The following HSD17B12 variants were observed in gnomAD, a reference collection of about 807,000 sequenced individuals.
HSD17B12 encodes hydroxysteroid 17-beta dehydrogenase 12.
In HSD17B12, 32 loss-of-function variants were observed where a neutral mutation model predicts 39.3. The ratio of observed to expected loss-of-function variants is 0.81; its 90% CI spans 0.61 to 1.09. HSD17B12 has a LOEUF of 1.09. Ranked by LOEUF, HSD17B12 falls within the 50% of genes least tolerant of loss-of-function variation. HSD17B12 has a pLI of 0.00. For missense variants in HSD17B12, 342 were observed against 382.9 expected (o/e 0.89, Z 0.89); for synonymous variants, 150 against 146.7 (o/e 1.02, Z -0.16).
At chr11:43,632,742 G>C in the HSD17B12 span, among the ~76,000 whole-genome samples, 5 of 152,126 alleles carry the variant, frequency 3.3e-5, no homozygotes, top group African/African-American at 1.2e-4. Context: ...ATGTAGGTAA[G>C]TTATCATAGG....
At chr11:43,593,483 A>G in the HSD17B12 span, among the ~76,000 whole-genome samples, 23 of 152,212 alleles carry the variant, frequency 1.5e-4, no homozygotes, top group East Asian at 1.9e-4. Flanking sequence ...AAATCAAAAT[A>G]TCTTTAAATA....
the HSD17B12 span, among the ~76,000 whole-genome samples, chr11:43,671,366 A>C: frequency 6.6e-6 from 1 of 152,172 alleles, no homozygotes; most frequent in African/African-American, 2.4e-5. Flanking sequence ...TTTTTAGTAG[A>C]GACGGGGTTT....
the HSD17B12 span, among the ~76,000 whole-genome samples, chr11:43,640,060 C>T: frequency 6.6e-6 from 1 of 151,404 alleles, no homozygotes; most frequent in African/African-American, 2.4e-5. Flanking sequence ...AACATGAAAA[C>T]AAAAATAAAA....
At chr11:43,637,868 T>C in the HSD17B12 span, among the ~76,000 whole-genome samples, 1 of 152,112 alleles carries the variant, frequency 6.6e-6, no homozygotes, top group African/African-American at 2.4e-5. Flanking sequence ...CCATTGTGGA[T>C]GGGGAGGGGT....
the HSD17B12 span, among the ~76,000 whole-genome samples, chr11:43,655,132 G>A: frequency 6.6e-6 from 1 of 152,174 alleles, no homozygotes; most frequent in Non-Finnish European, 1.5e-5. Context: ...TCCCTTGTAA[G>A]TTGGATTCCT....
chr11:43,679,108 C>T (rs1177482123), upstream of HSD17B12, among the ~76,000 whole-genome samples: 20 of 152,142 alleles, frequency 1.3e-4, no homozygotes, highest in African/African-American at 4.3e-4. Flanking sequence ...TCTTTTATTT[C>T]GTTGAGCAGT....
the HSD17B12 span, among the ~76,000 whole-genome samples, chr11:43,668,512 C>CATGGAT: frequency 6.6e-6 from 1 of 152,194 alleles, no homozygotes; most frequent in Admixed American, 6.5e-5. Flanking sequence ...GATATGTAGA[C>CATGGAT]ATGGATATCT....
intron 4 of HSD17B12, among the ~76,000 whole-genome samples, chr11:43,799,082 A>G (rs1950941642): frequency 6.6e-6 from 1 of 152,142 alleles, no homozygotes; most frequent in Non-Finnish European, 1.5e-5. Context: ...ACAGTTGAGG[A>G]AATGAAGGCT....
chr11:43,820,771 A>G (rs962030114), intron 6 of HSD17B12, among the ~76,000 whole-genome samples: 1 of 152,252 alleles, frequency 6.6e-6, no homozygotes, highest in Admixed American at 6.5e-5. Context: ...TGGTGAAATC[A>G]GCTTGGCCTT....
At chr11:43,585,792 C>T in the HSD17B12 span, among the ~76,000 whole-genome samples, 1 of 152,108 alleles carries the variant, frequency 6.6e-6, no homozygotes, top group African/African-American at 2.4e-5. Flanking sequence ...CCTCCTTAAC[C>T]GATAGTTCAG....
intron 1 of HSD17B12, chr11:43,733,820 G>A (rs1250209875): frequency 2.6e-5 from 18 of 705,620 alleles, no homozygotes; most frequent in South Asian, 1.8e-4. Context: ...GTTGCAGGAG[G>A]TGTGGTAAAC....
At chr11:43,794,051 G>GT (rs1334850779) in intron 3 of HSD17B12, among the ~76,000 whole-genome samples, 1 of 152,130 alleles carries the variant, frequency 6.6e-6, no homozygotes, top group African/African-American at 2.4e-5. Flanking sequence ...GTTCATACCA[G>GT]TTTTTTTCTT....
the HSD17B12 span, among the ~76,000 whole-genome samples, chr11:43,630,892 C>A: frequency 1.3e-5 from 2 of 151,568 alleles, no homozygotes; most frequent in African/African-American, 4.9e-5. Context: ...CCAGCCTCCA[C>A]CCCCCAGGTT....
intron 1 of HSD17B12, 40 bp downstream of exon 1, chr11:43,681,027 G>T: frequency 1.3e-6 from 2 of 1,539,970 alleles, no homozygotes; most frequent in Non-Finnish European, 1.8e-6. Context: ...TCCCGCGGCG[G>T]CCCGGACCAG....
At chr11:43,577,114 G>C in the HSD17B12 span, among the ~76,000 whole-genome samples, 110 of 152,350 alleles carry the variant, frequency 7.2e-4, 1 homozygote, top group East Asian at 4.8e-3. Flanking sequence ...GGGAACTAAG[G>C]ACGGCGACCC....
chr11:43,616,414 AAAACAAAAAAC>A, the HSD17B12 span, among the ~76,000 whole-genome samples: 672 of 135,912 alleles, frequency 4.9e-3, 40 homozygotes, highest in African/African-American at 0.019. Flanking sequence ...ATCTAAAAAA[AAAACAAAAAAC>A]AAAAAAAAAA....
At chr11:43,829,320 A>AT (rs1277401091) in intron 6 of HSD17B12, among the ~76,000 whole-genome samples, 2 of 152,206 alleles carry the variant, frequency 1.3e-5, no homozygotes, top group African/African-American at 4.8e-5. Context: ...TCATATATAT[A>AT]AAGAATATAT....
At chr11:43,570,548 G>T in the HSD17B12 span, among the ~76,000 whole-genome samples, 1 of 152,168 alleles carries the variant, frequency 6.6e-6, no homozygotes, top group South Asian at 2.1e-4. Context: ...ACCCTGTGCT[G>T]ATGAGTCAGA....
chr11:43,762,199 A>G lies in HSD17B12; in HGVS notation c.283+8078A>G, dbSNP rs188736828. Among the ~76,000 whole-genome samples, 138 of 152,318 alleles carry G rather than the reference A, an allele frequency of 9.1e-4. 1 individual carries two copies. Among genetic ancestry groups the G allele is most frequent in the Non-Finnish European group, 1.1e-3 (77 of 68,026 alleles). On this transcript the variant is annotated intron_variant, in intron 3 of 10. Transcript: ENST00000278353. Reference sequence around the variant, plus strand: ...AGAAGAAAAAAAAGACGTTTTCTCAAAATATTAAGTTTTTTCTGGTTCTAT... The same window carrying G: ...AGAAGAAAAAAAAGACGTTTTCTCAGAATATTAAGTTTTTTCTGGTTCTAT...
Sources: allele counts gnomAD v4.1 joint callset (sites outside exome capture counted in the v4.1 genomes callset), GRCh38; gene constraint gnomAD v4.1.1; transcripts MANE v1.5; gene names NCBI Gene and HGNC (gene_info 2026-07-23, HGNC 2026-07-21).